The following ZDHHC17 variants were observed in gnomAD, a reference collection of about 807,000 sequenced individuals.
ZDHHC17 encodes palmitoyltransferase ZDHHC17.
ZDHHC17 carries 40 observed loss-of-function variants against 90.3 expected under a neutral mutation model. That is an observed-to-expected ratio of 0.44 (90% CI 0.34 to 0.58). ZDHHC17 has a LOEUF of 0.58. ZDHHC17 is among the 20% of genes least tolerant of loss of function. The pLI is 0.01. For missense variants in ZDHHC17, 614 were observed against 780.8 expected, an observed-to-expected ratio of 0.79 and a Z score of 2.55; for synonymous variants, 235 against 252.4, an observed-to-expected ratio of 0.93 and a Z score of 0.65.
At chr12:76,797,219 C>T (rs1322971482) in intron 1 of ZDHHC17, among the ~76,000 whole-genome samples, 5 of 151,902 alleles carry the variant, frequency 3.3e-5, no homozygotes, top group East Asian at 1.9e-4. Context: ...GCCGAGATCG[C>T]GTCACTGCAC....
intron 1 of ZDHHC17, among the ~76,000 whole-genome samples, chr12:76,777,080 A>G (rs1397093703): frequency 6.6e-6 from 1 of 152,174 alleles, no homozygotes. Context: ...AGGATAGTAT[A>G]TAATAGCACA....
At chr12:76,798,164 G>T (rs1055578197) in intron 2 of ZDHHC17, among the ~76,000 whole-genome samples, 5 of 152,026 alleles carry the variant, frequency 3.3e-5, no homozygotes, top group Admixed American at 6.6e-5. Context: ...ATATTCTCCC[G>T]CCCGCAACCA....
chr12:76,786,519 G>A (rs556526272), intron 1 of ZDHHC17, among the ~76,000 whole-genome samples: 1 of 152,158 alleles, frequency 6.6e-6, no homozygotes, highest in East Asian at 1.9e-4. Context: ...GCCTCCCAAA[G>A]TGCTGGGATT....
intron 1 of ZDHHC17, among the ~76,000 whole-genome samples, chr12:76,794,399 C>T (rs1473136349): frequency 2.0e-5 from 3 of 152,096 alleles, no homozygotes; most frequent in Non-Finnish European, 4.4e-5. Context: ...TCATTTGTCA[C>T]ATTGACAAGG....
chr12:76,802,171 G>A (rs1257503520), intron 2 of ZDHHC17, among the ~76,000 whole-genome samples: 1 of 152,206 alleles, frequency 6.6e-6, no homozygotes, highest in Non-Finnish European at 1.5e-5. Context: ...CATTATTTGG[G>A]AATGTCTTAA....
chr12:76,766,885 T>C (rs2137703999), intron 1 of ZDHHC17, among the ~76,000 whole-genome samples: 1 of 152,018 alleles, frequency 6.6e-6, no homozygotes, highest in South Asian at 2.1e-4. Flanking sequence ...CTGAGCATGG[T>C]GGTACACGCC....
At chr12:76,845,976 AC>A (rs1475372557) in intron 13 of ZDHHC17, among the ~76,000 whole-genome samples, 174 bp downstream of exon 13, 3 of 152,198 alleles carry the variant, frequency 2.0e-5, no homozygotes, top group Non-Finnish European at 2.9e-5. Context: ...GAAAAAAATT[AC>A]AAAATTAGTG....
At chr12:76,791,142 G>C (rs1038410114) in intron 1 of ZDHHC17, among the ~76,000 whole-genome samples, 3 of 152,174 alleles carry the variant, frequency 2.0e-5, no homozygotes, top group African/African-American at 7.2e-5. Flanking sequence ...CAGGTAGGTT[G>C]TAAGAGTCTG....
chr12:76,765,366 C>T (rs986149298), intron 1 of ZDHHC17, among the ~76,000 whole-genome samples: 1 of 152,196 alleles, frequency 6.6e-6, no homozygotes, highest in African/African-American at 2.4e-5. Flanking sequence ...TGCATGTTAA[C>T]ACTCAACCAC....
At chr12:76,818,985 T>C (rs908270936) in intron 7 of ZDHHC17, among the ~76,000 whole-genome samples, 2 of 152,174 alleles carry the variant, frequency 1.3e-5, no homozygotes, top group Non-Finnish European at 2.9e-5. Context: ...CAAGTGATAA[T>C]GTTAGCTTAG....
chr12:76,850,474 C>T (rs1027498251), intron 16 of ZDHHC17, among the ~76,000 whole-genome samples: 8 of 152,126 alleles, frequency 5.3e-5, no homozygotes, highest in Non-Finnish European at 1.2e-4. Flanking sequence ...GTCCTAGCTA[C>T]TTGGGAGGCT....
chr12:76,796,689 T>C (rs1010083435), intron 1 of ZDHHC17, among the ~76,000 whole-genome samples: 2 of 152,188 alleles, frequency 1.3e-5, no homozygotes, highest in African/African-American at 2.4e-5. Flanking sequence ...AAAAATAATA[T>C]CCATAGGTTC....
At chr12:76,822,642 CCT>C (rs1953179430) in intron 8 of ZDHHC17, 111 bp downstream of exon 8, 3 of 813,298 alleles carry the variant, frequency 3.7e-6, no homozygotes, top group Non-Finnish European at 5.9e-6. Context: ...GCAATCCCTG[CCT>C]CTCGGTTTAA....
At chr12:76,836,484 A>G (rs539311461) in intron 10 of ZDHHC17, among the ~76,000 whole-genome samples, 14 of 151,316 alleles carry the variant, frequency 9.3e-5, no homozygotes, top group African/African-American at 3.4e-4. Flanking sequence ...ATTTTATTGG[A>G]TTTTTCAAAG....
chr12:76,783,342 G>T (rs1952648856), intron 1 of ZDHHC17, among the ~76,000 whole-genome samples: 1 of 152,182 alleles, frequency 6.6e-6, no homozygotes, highest in African/African-American at 2.4e-5. Context: ...CAGGAAACTT[G>T]CAATCACAGT....
chr12:76,820,111 T>A (rs1245716213), intron 7 of ZDHHC17, among the ~76,000 whole-genome samples: 1 of 150,436 alleles, frequency 6.6e-6, no homozygotes, highest in Non-Finnish European at 1.5e-5. Flanking sequence ...TTATCTGGAG[T>A]CCCCCCAGTA....
chr12:76,792,451 A>G (rs558743564), intron 1 of ZDHHC17, among the ~76,000 whole-genome samples: 1 of 152,338 alleles, frequency 6.6e-6, no homozygotes, highest in Admixed American at 6.5e-5. Context: ...TCATTGGCAT[A>G]TAAACTAGTA....
At chr12:76,794,448 A>C (rs1952795886) in intron 1 of ZDHHC17, among the ~76,000 whole-genome samples, 1 of 152,200 alleles carries the variant, frequency 6.6e-6, no homozygotes, top group Non-Finnish European at 1.5e-5. Context: ...AGTCTGTTTA[A>C]AAGTGAGAAA....
chr12:76,828,299 T>C, intron 9 of ZDHHC17, 91 bp from the exon 10 acceptor site: 1 of 1,112,922 alleles, frequency 9.0e-7, no homozygotes, highest in Non-Finnish European at 1.2e-6. Context: ...CAATGCTTAC[T>C]ATACAAAATG....
Sources: allele counts gnomAD v4.1 joint callset (sites outside exome capture counted in the v4.1 genomes callset), GRCh38; gene constraint gnomAD v4.1.1; transcripts MANE v1.5; gene names NCBI Gene and HGNC (gene_info 2026-07-23, HGNC 2026-07-21).